The following SRGAP2 variants were observed in gnomAD, a reference collection of about 807,000 sequenced individuals.
SRGAP2 encodes SLIT-ROBO Rho GTPase activating protein 2.
SRGAP2 carries 15 observed loss-of-function variants against 57.2 expected under a neutral mutation model. The ratio of observed to expected loss-of-function variants is 0.26; its 90% CI spans 0.18 to 0.40. The LOEUF is 0.40. SRGAP2 is among the 10% of genes least tolerant of loss of function. The probability of loss-of-function intolerance (pLI) is 1.00; values close to 1 mark genes in which losing one functional copy is unlikely to be tolerated. For synonymous variants in SRGAP2, 249 were observed against 248.0 expected (o/e 1.00, Z -0.04); for missense variants, 520 against 669.6 (o/e 0.78, Z 2.47).
chr1:206,422,147 C>T (rs1335868718), intron 13 of SRGAP2, among the ~76,000 whole-genome samples: 2 of 152,170 alleles, frequency 1.3e-5, no homozygotes, highest in Non-Finnish European at 2.9e-5. Flanking sequence ...GGGTAATTCT[C>T]AGTGGCTCTA....
Position 206,356,676 on chromosome 1 carries a change from C to T in SRGAP2, c.423+13668C>T, listed in dbSNP as rs1465868107. On this transcript the variant is annotated intron_variant, in intron 4 of 22. Transcript: ENST00000573034. ...CCTATTTATCTTTGTCAAGACTTTT[C>T]CTTTGAATTCCTCCCTGCTTGTCTG... 9.3e-5 allele frequency among the ~76,000 whole-genome samples: 14 copies of T among 151,256 alleles called. 1 individual carries two copies. The South Asian group carries it at 2.9e-3, about 32-fold the overall frequency.
chr1:206,453,535 C>T (rs1663532183), intron 20 of SRGAP2, 155 bp downstream of exon 20: 15 of 378,464 alleles, frequency 4.0e-5, no homozygotes. Context: ...AGCACCCCCC[C>T]CACCCCCCGC....
At chr1:206,419,503 A>G (rs1363882159) in intron 12 of SRGAP2, 103 bp downstream of exon 12, 3 of 758,474 alleles carry the variant, frequency 4.0e-6, no homozygotes, top group South Asian at 2.8e-5. Flanking sequence ...AAGGCATTGA[A>G]TGACTTTACA....
chr1:206,307,908 A>T (rs1295060073), intron 3 of SRGAP2, among the ~76,000 whole-genome samples: 1 of 151,692 alleles, frequency 6.6e-6, no homozygotes, highest in East Asian at 1.9e-4. Context: ...CCCACAGTGC[A>T]GGGGGGGGTG....
chr1:206,415,939 C>T lies in SRGAP2; in HGVS notation c.1407C>T (p.Ala469=). The change falls in exon 11 of 23, where the codon GCC becomes GCT. Residue 469 remains alanine, a synonymous_variant. Transcript: ENST00000573034. ...EGRNLITKLQ[A]KHDLLQKTLG... is the part of the protein sequence containing the mutation. ...GGAACCTCATCACCAAGTTACAAGCCAAGCATGACCTTCTGCAGAAAACCC... is the reference window on the plus strand; with the variant it reads ...GGAACCTCATCACCAAGTTACAAGCTAAGCATGACCTTCTGCAGAAAACCC... The T allele has an allele frequency of 1.3e-6, 1 of 780,620 alleles. No homozygotes were observed. Among genetic ancestry groups the T allele is most frequent in the Non-Finnish European group, 2.4e-6 (1 of 417,960 alleles). The allele number at this position is 780,620 out of a possible 1,614,324, so 48.4% of individuals were successfully genotyped here.
chr1:206,273,173 T>C (rs1434405413), intron 2 of SRGAP2, among the ~76,000 whole-genome samples: 3 of 152,072 alleles, frequency 2.0e-5, no homozygotes, highest in Admixed American at 6.5e-5. Context: ...CTCACTGTGT[T>C]ATAAGAGTAC....
chr1:206,249,843 TC>T (rs1315423269), intron 2 of SRGAP2, among the ~76,000 whole-genome samples: 4 of 148,630 alleles, frequency 2.7e-5, no homozygotes, highest in Non-Finnish European at 6.0e-5. Flanking sequence ...GATGTCTGAC[TC>T]CCCCTCCTCC....
In SRGAP2 at chr1:206,227,660, A is replaced by C. The variant is rs1258639064; in HGVS notation, c.67+21623A>C. Among the ~76,000 whole-genome samples the C allele has an allele frequency of 3.9e-5, 6 of 152,316 alleles. No homozygotes were observed. The East Asian group carries it at 9.7e-4, about 25-fold the overall frequency. Reference sequence around the variant, plus strand: ...CTCTTCTCTTTTCCAGTGCTTGTCCAGTAACCTCAAGGAAATCTGTTCCAA... The same window carrying C: ...CTCTTCTCTTTTCCAGTGCTTGTCCCGTAACCTCAAGGAAATCTGTTCCAA... On this transcript the variant is annotated intron_variant, in intron 2 of 22. Transcript: ENST00000573034.
At position 206,332,542 on chromosome 1, in the gene SRGAP2, G is replaced by A. The variant is rs782252731; in HGVS notation, c.261-10304G>A. Reference sequence around the variant, plus strand: ...CTTTTTTCTCTAAACTTCCCTTCTCGCTTCCTTTCATTCATTTCATCTTCC... The same window carrying A: ...CTTTTTTCTCTAAACTTCCCTTCTCACTTCCTTTCATTCATTTCATCTTCC... On this transcript the variant is annotated intron_variant, in intron 3 of 22. Transcript: ENST00000573034. Among the ~76,000 whole-genome samples, 518 of 149,006 alleles carry A rather than the reference G, an allele frequency of 3.5e-3. 5 individuals carry two copies. Among genetic ancestry groups the A allele is most frequent in the South Asian group, 0.021 (99 of 4,756 alleles).
intron 8 of SRGAP2, among the ~76,000 whole-genome samples, chr1:206,402,491 C>G (rs1206773808): frequency 4.6e-5 from 7 of 152,222 alleles, no homozygotes; most frequent in Non-Finnish European, 7.3e-5. Context: ...CACCATTTCT[C>G]CTACTGGTGA....
chr1:206,431,216 T>A (rs1425617317), intron 14 of SRGAP2, among the ~76,000 whole-genome samples: 1 of 152,224 alleles, frequency 6.6e-6, no homozygotes, highest in Non-Finnish European at 1.5e-5. Flanking sequence ...TTATCCCTAT[T>A]CATTTAAAGT....
intron 13 of SRGAP2, among the ~76,000 whole-genome samples, chr1:206,428,429 A>AG (rs1378139893): frequency 5.3e-5 from 8 of 151,678 alleles, no homozygotes; most frequent in African/African-American, 1.9e-4. Flanking sequence ...TCAAAAAAAA[A>AG]AAAAAAAAAG....
In SRGAP2 at chr1:206,333,484, C is replaced by G. The variant is rs1470125225; in HGVS notation, c.261-9362C>G. On this transcript the variant is annotated intron_variant, in intron 3 of 22. Coordinates refer to ENST00000573034, the MANE Select transcript of SRGAP2 (RefSeq NM_015326.5). ...AACCGGCGGGGCGAGGCGAAGGTCT[C>G]TGGTGCGGGCGGCGCGGCTCTGTGT... The G allele has an allele frequency of 2.0e-6, 3 of 1,498,790 alleles. No individual in the cohort carries two copies. The East Asian group carries it at 6.8e-5, about 34-fold the overall frequency. 92.8% of individuals were successfully genotyped at this position (1,498,790 alleles called of 1,614,324 possible).
At chr1:206,429,048 C>T (rs1553367362) in intron 13 of SRGAP2, among the ~76,000 whole-genome samples, 1 of 152,166 alleles carries the variant, frequency 6.6e-6, no homozygotes. Flanking sequence ...GGCCTCACAC[C>T]TCTTTAAATT....
rs1281322767 is a variant in SRGAP2, at chr1:206,419,223, C to G, written c.1442-150C>G. On this transcript the variant is annotated intron_variant, in intron 11 of 22. Transcript: ENST00000573034. ...TCTTTCTCTCTGTCTCTGTCTCTCT[C>G]TGTCTCTCTCTCTCTCTCCTCTCTT... The G allele has an allele frequency of 1.3e-5, 8 of 631,762 alleles. No homozygotes were observed. In the Admixed American group the frequency reaches 2.0e-4, roughly 16 times the overall value. The allele number at this position is 631,762 out of a possible 1,614,324, so 39.1% of individuals were successfully genotyped here. A position where few individuals can be genotyped will look rare whatever the true frequency, so the allele number is the denominator to read the frequency against.
At chr1:206,324,406 T>C (rs1206924856) in intron 3 of SRGAP2, among the ~76,000 whole-genome samples, 9 of 152,256 alleles carry the variant, frequency 5.9e-5, no homozygotes, top group African/African-American at 2.2e-4. Context: ...GTTTATACCC[T>C]TTTAAAATCT....
At chr1:206,443,532 G>A (rs1572169021) in intron 17 of SRGAP2, among the ~76,000 whole-genome samples, 2 of 151,908 alleles carry the variant, frequency 1.3e-5, no homozygotes, top group Non-Finnish European at 2.9e-5. Context: ...ATACCTCCAC[G>A]CCAGACTAAT....
At chr1:206,364,122 A>G (rs1196807669) in intron 4 of SRGAP2, among the ~76,000 whole-genome samples, 2 of 148,470 alleles carry the variant, frequency 1.3e-5, no homozygotes, top group Non-Finnish European at 3.0e-5. Context: ...CCCTGATCTA[A>G]GGCAGTGAGA....
chr1:206,446,304 G>C lies in SRGAP2; in HGVS notation c.2099+5G>C, dbSNP rs782014140. 29 of 780,494 alleles carry C rather than the reference G, an allele frequency of 3.7e-5. 1 individual carries two copies. The highest frequency in any genetic ancestry group is 1.5e-4 in the African/African-American group (9 of 59,144). The allele number at this position is 780,494 out of a possible 1,614,324, so 48.3% of individuals were successfully genotyped here. A position where few individuals can be genotyped will look rare whatever the true frequency, so the allele number is the denominator to read the frequency against. On this transcript the variant is annotated splice_donor_5th_base_variant and intron_variant, in intron 18 of 22. Coordinates refer to ENST00000573034, the MANE Select transcript of SRGAP2 (RefSeq NM_015326.5). ...AGGAAGCATGGAGGATTACTGGTAG[G>C]GGGGCTTGGGACGGGAGGAGGGGAG...
Sources: gnomAD v4.1 joint callset for allele counts (sites outside exome capture counted in the v4.1 genomes callset) on GRCh38, gnomAD v4.1.1 for gene constraint, MANE v1.5 for transcripts, NCBI Gene and HGNC (gene_info 2026-07-23, HGNC 2026-07-21) for gene names.